The following WDR27 variants were observed in gnomAD, a reference collection of about 807,000 sequenced individuals.
WDR27 encodes the protein WD repeat-containing protein 27.
A neutral mutation model predicts 114.4 loss-of-function variants in WDR27; 100 were observed. That is an observed-to-expected ratio of 0.87 (90% CI 0.74 to 1.03). WDR27 has a LOEUF of 1.03. Among genes scored for constraint, WDR27 ranks in the 50% least tolerant of loss-of-function variants. The probability of loss-of-function intolerance (pLI) is 0.00; values close to 1 mark genes in which losing one functional copy is unlikely to be tolerated. For synonymous variants in WDR27, 449 were observed against 423.1 expected (o/e 1.06, Z -0.75); for missense variants, 1,129 against 1,092.9 (o/e 1.03, Z -0.47).
chr6:169,624,925 ACAGCCTGGCTGGGCAG>A (rs1258843837), intron 21 of WDR27, among the ~76,000 whole-genome samples: 1 of 152,218 alleles, frequency 6.6e-6, no homozygotes, highest in East Asian at 1.9e-4. Flanking sequence ...CAGCCGTCCC[ACAGCCTGGCTGGGCAG>A]TCAACTGTGG....
chr6:169,671,942 T>C (rs1585068521), intron 3 of WDR27: 1 of 194,178 alleles, frequency 5.1e-6, no homozygotes. Flanking sequence ...TCAACTTTCC[T>C]ACATGTTTTC....
intron 25 of WDR27, among the ~76,000 whole-genome samples, chr6:169,513,067 A>T (rs1240403013): frequency 6.6e-6 from 1 of 152,200 alleles, no homozygotes; most frequent in Non-Finnish European, 1.5e-5. Flanking sequence ...TAGTGGTTTA[A>T]AATAATAACC....
Position 169,491,615 on chromosome 6 carries a change from T to C in WDR27, c.2646-33981A>G, listed in dbSNP as rs950286052. ...ACACAAACTTAAGTCTTGGACATCC[T>C]GGCTTTGGGTGCAGAATTAAGCAGG... On this transcript the variant is annotated intron_variant, in intron 25 of 25. Coordinates refer to ENST00000448612, the MANE Select transcript of WDR27 (RefSeq NM_182552.5). 6.6e-5 allele frequency among the ~76,000 whole-genome samples: 10 copies of C among 152,164 alleles called. No homozygotes were observed. The East Asian group carries it at 1.2e-3, about 18-fold the overall frequency.
chr6:169,602,315 C>A lies in WDR27; in HGVS notation c.2328G>T (p.Glu776Asp). The A allele has an allele frequency of 6.5e-7, 1 of 1,544,508 alleles. No homozygotes were observed. Among genetic ancestry groups the A allele is most frequent in the Non-Finnish European group, 8.8e-7 (1 of 1,139,246 alleles). ...RLWDLRTLRC[E>D]RHFEGHPTRG... ...GGGTTGGATGCCCTTCAAAGTGGCG[C>A]TCACACCTACAGGGAGGAAAGAAAC... The change falls in exon 23 of 26, where the codon GAG becomes GAT. Residue 776 changes from glutamate (E) to aspartate (D), a missense_variant. By Grantham distance (45) the Glu-to-Asp change is conservative. Transcript: ENST00000448612.
At position 169,699,490 on chromosome 6, in the gene WDR27, T is replaced by G. The variant is rs529271423; in HGVS notation, c.-8+2061A>C. On this transcript the variant is annotated intron_variant, in intron 1 of 25. Transcript: ENST00000448612. ...GAGATACACACAGACCAGAAGCTGC[T>G]GTGCTCGTGAGGACACGATGAAGCC... Among the ~76,000 whole-genome samples, 13 of 152,266 alleles carry G rather than the reference T, an allele frequency of 8.5e-5. No homozygotes were observed. The South Asian group carries it at 2.7e-3, about 32-fold the overall frequency.
At chr6:169,570,638 G>A (rs1293105831) in intron 25 of WDR27, among the ~76,000 whole-genome samples, 1 of 152,182 alleles carries the variant, frequency 6.6e-6, no homozygotes, top group Non-Finnish European at 1.5e-5. Context: ...AGACTATCCT[G>A]GCCAACATAG....
intron 22 of WDR27, among the ~76,000 whole-genome samples, chr6:169,607,417 C>A (rs1013910203): frequency 2.8e-4 from 10 of 35,866 alleles, no homozygotes; most frequent in African/African-American, 5.4e-4. Flanking sequence ...CACACACACA[C>A]ACACACATAT....
chr6:169,638,913 A>G (rs1243175614), intron 17 of WDR27, among the ~76,000 whole-genome samples: 1 of 152,050 alleles, frequency 6.6e-6, no homozygotes, highest in Non-Finnish European at 1.5e-5. Flanking sequence ...CATTTTTTCA[A>G]CTTTTATTTT....
chr6:169,526,138 A>G (rs2128072162), intron 25 of WDR27, among the ~76,000 whole-genome samples: 1 of 152,326 alleles, frequency 6.6e-6, no homozygotes, highest in Non-Finnish European at 1.5e-5. Context: ...ACCACTGGAT[A>G]GAAGAACTAA....
intron 25 of WDR27, among the ~76,000 whole-genome samples, chr6:169,570,456 G>C (rs1419101075): frequency 6.6e-6 from 1 of 152,184 alleles, no homozygotes; most frequent in African/African-American, 2.4e-5. Context: ...TCACTCCCAG[G>C]AATACTTGCA....
intron 22 of WDR27, among the ~76,000 whole-genome samples, chr6:169,608,326 A>T (rs935790187): frequency 2.6e-5 from 4 of 152,150 alleles, no homozygotes; most frequent in Non-Finnish European, 4.4e-5. Flanking sequence ...GAACCAATCT[A>T]AGTGCCCATC....
At chr6:169,649,540 T>C (rs1012418774) in intron 14 of WDR27, among the ~76,000 whole-genome samples, 4 of 151,958 alleles carry the variant, frequency 2.6e-5, no homozygotes, top group African/African-American at 9.7e-5. Flanking sequence ...GCTTGGCTTT[T>C]CCTTTAAGTC....
intron 25 of WDR27, among the ~76,000 whole-genome samples, chr6:169,552,903 G>A (rs1006024350): frequency 6.6e-6 from 1 of 151,626 alleles, no homozygotes; most frequent in Non-Finnish European, 1.5e-5. Context: ...CGCAGCAGCA[G>A]ATGTCATTTT....
intron 25 of WDR27, among the ~76,000 whole-genome samples, chr6:169,533,012 A>C (rs754330406): frequency 1.3e-5 from 2 of 152,160 alleles, no homozygotes; most frequent in Admixed American, 6.5e-5. Context: ...CGAGATGTAG[A>C]GGTCTCAAGA....
chr6:169,619,654 T>C (rs1408239405), intron 21 of WDR27, among the ~76,000 whole-genome samples: 2 of 152,154 alleles, frequency 1.3e-5, no homozygotes, highest in African/African-American at 4.8e-5. Flanking sequence ...GACAATTGGT[T>C]GAGTTTCTCT....
At chr6:169,627,219 G>A (rs1282332671) in intron 21 of WDR27, among the ~76,000 whole-genome samples, 1 of 152,218 alleles carries the variant, frequency 6.6e-6, no homozygotes, top group Non-Finnish European at 1.5e-5. Flanking sequence ...GATGCTTTAA[G>A]TCTTGAAAAT....
At chr6:169,596,308 C>CAATGT (rs1806780074) in intron 23 of WDR27, among the ~76,000 whole-genome samples, 1 of 152,008 alleles carries the variant, frequency 6.6e-6, no homozygotes, top group African/African-American at 2.4e-5. Flanking sequence ...TGTCTTTTAT[C>CAATGT]ATTTTCTTTA....
Position 169,572,411 on chromosome 6 carries a change from G to A in WDR27, c.2645+8C>T, listed in dbSNP as rs1801574820. 1 of 152,204 alleles carries A rather than the reference G, an allele frequency of 6.6e-6. No homozygotes were observed. Among genetic ancestry groups the A allele is most frequent in the African/African-American group, 2.4e-5 (1 of 41,488 alleles). 9.4% of individuals were successfully genotyped at this position (152,204 alleles called of 1,614,324 possible). ...ATACAAAAATTAGCTGGGTGTGGTG[G>A]TGGGTACCTGTAATCCCAGCTACTC... On this transcript the variant is annotated splice_region_variant and intron_variant, in intron 25 of 25. Coordinates refer to ENST00000448612, the MANE Select transcript of WDR27 (RefSeq NM_182552.5).
intron 2 of WDR27, among the ~76,000 whole-genome samples, chr6:169,679,968 T>C (rs1781083586): frequency 6.6e-6 from 1 of 152,088 alleles, no homozygotes; most frequent in Admixed American, 6.5e-5. Flanking sequence ...ATAAAGATAA[T>C]AACAGAATTC....
Sources: allele counts gnomAD v4.1 joint callset (sites outside exome capture counted in the v4.1 genomes callset), GRCh38; gene constraint gnomAD v4.1.1; transcripts MANE v1.5; gene names NCBI Gene and HGNC (gene_info 2026-07-23, HGNC 2026-07-21).